LRP5: variants seen among roughly 807,000 people sequenced by gnomAD.
The protein encoded by LRP5 is low-density lipoprotein receptor-related protein 5.
In LRP5, 62 loss-of-function variants were observed where a neutral mutation model predicts 154.1. The observed-to-expected ratio is 0.40, with a 90% CI of 0.33 to 0.50. The LOEUF (loss-of-function observed/expected upper bound fraction) is 0.50. Ranked by LOEUF, LRP5 falls within the 20% of genes least tolerant of loss-of-function variation. LRP5 has a pLI of 0.55. For missense variants in LRP5, 1,915 were observed against 2,336.7 expected, an observed-to-expected ratio of 0.82 and a Z score of 3.72; for synonymous variants, 966 against 1,011.5, an observed-to-expected ratio of 0.96 and a Z score of 0.85.
intron 21 of LRP5, among the ~76,000 whole-genome samples, chr11:68,440,367 G>A (rs530258145): frequency 1.4e-4 from 21 of 152,328 alleles, no homozygotes; most frequent in African/African-American, 4.6e-4. Context: ...AACACAGGGT[G>A]ATTTTCGTGG....
intron 1 of LRP5, among the ~76,000 whole-genome samples, chr11:68,344,052 G>T (rs2098610703): frequency 6.6e-6 from 1 of 152,038 alleles, no homozygotes; most frequent in African/African-American, 2.4e-5. Flanking sequence ...CCGCCCGAGG[G>T]ACTTCACCCG....
chr11:68,377,294 C>T (rs962224729), intron 5 of LRP5, among the ~76,000 whole-genome samples: 1 of 152,204 alleles, frequency 6.6e-6, no homozygotes, highest in Admixed American at 6.5e-5. Flanking sequence ...GCCCTGACCC[C>T]AGGCAGAGCA....
intron 14 of LRP5, among the ~76,000 whole-genome samples, chr11:68,424,095 A>T (rs548729698): frequency 1.1e-4 from 17 of 152,264 alleles, no homozygotes; most frequent in African/African-American, 3.6e-4. Flanking sequence ...CGACGCTCCC[A>T]CCTGTTGGTC....
intron 3 of LRP5, among the ~76,000 whole-genome samples, chr11:68,361,295 A>G (rs1045463881): frequency 1.1e-4 from 16 of 148,282 alleles, no homozygotes; most frequent in Admixed American, 2.0e-4. Flanking sequence ...ACAGAGCGAG[A>G]CTCTGTCTCA....
chr11:68,438,394 C>G, intron 19 of LRP5, 52 bp from the exon 20 acceptor site: 1 of 1,508,220 alleles, frequency 6.6e-7, no homozygotes, highest in Middle Eastern at 1.7e-4. Flanking sequence ...CCAAGGAGGG[C>G]CCATTCCGTT....
intron 2 of LRP5, among the ~76,000 whole-genome samples, chr11:68,356,618 G>A (rs113356960): frequency 6.6e-6 from 1 of 152,148 alleles, no homozygotes; most frequent in Non-Finnish European, 1.5e-5. Context: ...GCTGGCTGAC[G>A]CACCATCACC....
intron 7 of LRP5, among the ~76,000 whole-genome samples, chr11:68,396,344 C>T (rs1284370518): frequency 1.3e-5 from 2 of 152,168 alleles, no homozygotes; most frequent in Non-Finnish European, 2.9e-5. Flanking sequence ...CTCACCTTTG[C>T]TGGGGAGTGG....
At position 68,391,889 on chromosome 11, in the gene LRP5, G is replaced by A. The variant is rs572996919; in HGVS notation, c.1584+1837G>A. Reference sequence around the variant, plus strand: ...CAGGGTCTCGCTCGCTCACCCAGGCGAGAGTGCAGTGGCGCAATCACGGCT... The same window carrying A: ...CAGGGTCTCGCTCGCTCACCCAGGCAAGAGTGCAGTGGCGCAATCACGGCT... On this transcript the variant is annotated intron_variant, in intron 7 of 22. Coordinates refer to ENST00000294304, the MANE Select transcript of LRP5 (RefSeq NM_002335.4). 3.9e-5 allele frequency among the ~76,000 whole-genome samples: 6 copies of A among 152,264 alleles called. No homozygotes were observed. In the South Asian group the frequency reaches 1.0e-3, roughly 26 times the overall value.
At chr11:68,418,517 G>A (rs1346610990) in intron 13 of LRP5, among the ~76,000 whole-genome samples, 7 of 152,132 alleles carry the variant, frequency 4.6e-5, no homozygotes, top group African/African-American at 1.7e-4. Context: ...GAGGCTGAGC[G>A]CCTGGAGAGA....
In LRP5 at chr11:68,447,041, A is replaced by G. The variant is rs954428515; in HGVS notation, c.4586+508A>G. Reference sequence around the variant, plus strand: ...CCACAGTGGCCTGTTTGAGCCCGGGAAGCCAACGGGGCTGCTCAGCTGGAC... The same window carrying G: ...CCACAGTGGCCTGTTTGAGCCCGGGGAGCCAACGGGGCTGCTCAGCTGGAC... On this transcript the variant is annotated intron_variant, in intron 22 of 22. Transcript: ENST00000294304. The surrounding 1 kb of genome is among the most constrained non-coding windows in gnomAD (Gnocchi z 4.3). The G allele has an allele frequency of 1.6e-5, 3 of 187,648 alleles. No homozygotes were observed. Among genetic ancestry groups the G allele is most frequent in the Admixed American group, 1.1e-4 (2 of 18,346 alleles). The allele number at this position is 187,648 out of a possible 1,614,324, so 11.6% of individuals were successfully genotyped here. A position where few individuals can be genotyped will look rare whatever the true frequency, so the allele number is the denominator to read the frequency against.
chr11:68,306,575 G>C, the LRP5 span, among the ~76,000 whole-genome samples: 1 of 152,160 alleles, frequency 6.6e-6, no homozygotes, highest in African/African-American at 2.4e-5. Flanking sequence ...ACATTCACAG[G>C]TCCCAGGGAT....
In LRP5 at chr11:68,447,895, G is replaced by A. The variant is rs550457793; in HGVS notation, c.4587-914G>A. Among the ~76,000 whole-genome samples the A allele has an allele frequency of 6.6e-6, 1 of 152,300 alleles. No homozygotes were observed. Among genetic ancestry groups the A allele is most frequent in the African/African-American group, 2.4e-5 (1 of 41,554 alleles). On this transcript the variant is annotated intron_variant, in intron 22 of 22. Transcript: ENST00000294304. This position sits in a 1 kb window ranked among gnomAD's most constrained non-coding sequence, Gnocchi z 4.3. ...CCTCTGGGAGGATGGGAGGTCAGGA[G>A]CCATCTTGCGAGTCAGGTTGCTTGA... is the stretch of plus-strand genomic sequence containing the variant.
intron 13 of LRP5, among the ~76,000 whole-genome samples, chr11:68,421,013 T>A (rs1012556650): frequency 2.6e-5 from 4 of 152,076 alleles, no homozygotes; most frequent in Admixed American, 2.6e-4. Flanking sequence ...GATCATGAGG[T>A]CAGGAGATCA....
At chr11:68,359,392 G>C (rs963529643) in intron 3 of LRP5, among the ~76,000 whole-genome samples, 5 of 152,210 alleles carry the variant, frequency 3.3e-5, no homozygotes, top group African/African-American at 1.2e-4. Flanking sequence ...GGTCTGGTTT[G>C]AGATTTGGAA....
intron 7 of LRP5, among the ~76,000 whole-genome samples, chr11:68,398,176 A>G (rs2098650594): frequency 6.6e-6 from 1 of 152,138 alleles, no homozygotes; most frequent in African/African-American, 2.4e-5. Flanking sequence ...TCTTGGGCTC[A>G]TGTCTGTTTG....
intron 5 of LRP5, among the ~76,000 whole-genome samples, chr11:68,380,026 A>G (rs1286582370): frequency 1.3e-5 from 2 of 152,192 alleles, no homozygotes; most frequent in South Asian, 2.1e-4. Context: ...CCAGCTACTC[A>G]GGAGGCTGAG....
At chr11:68,434,490 C>T (rs1218510798) in intron 18 of LRP5, among the ~76,000 whole-genome samples, 1 of 152,188 alleles carries the variant, frequency 6.6e-6, no homozygotes, top group Non-Finnish European at 1.5e-5. Flanking sequence ...ATCGATTCTC[C>T]TGCCTCAGCC....
intron 13 of LRP5, among the ~76,000 whole-genome samples, chr11:68,417,216 A>C (rs1445639478): frequency 1.3e-5 from 2 of 152,166 alleles, no homozygotes; most frequent in African/African-American, 2.4e-5. Flanking sequence ...TGGGAAATCA[A>C]ATGGAAAGTT....
intron 5 of LRP5, among the ~76,000 whole-genome samples, chr11:68,368,205 A>C (rs1418235862): frequency 6.6e-6 from 1 of 152,208 alleles, no homozygotes; most frequent in Non-Finnish European, 1.5e-5. Context: ...CCCTGCCCCG[A>C]GGCACACGTG....
Sources: allele counts gnomAD v4.1 joint callset (sites outside exome capture counted in the v4.1 genomes callset), GRCh38; gene constraint gnomAD v4.1.1; non-coding constraint Gnocchi (gnomAD v3.1); transcripts MANE v1.5; gene names NCBI Gene and HGNC (gene_info 2026-07-23, HGNC 2026-07-21).